TRAPPC9: variants seen among roughly 807,000 people sequenced by gnomAD.
TRAPPC9 encodes trafficking protein particle complex subunit 9, also known as IKK2 binding protein.
A neutral mutation model predicts 124.0 loss-of-function variants in TRAPPC9; 83 were observed. That is an observed-to-expected ratio of 0.67 (90% confidence interval 0.56 to 0.80). The LOEUF is 0.80. Among genes scored for constraint, TRAPPC9 ranks in the 30% least tolerant of loss-of-function variants. The pLI is 0.00. For missense variants in TRAPPC9, 1,302 were observed against 1,508.3 expected, an observed-to-expected ratio of 0.86 and a Z score of 2.27; for synonymous variants, 638 against 617.5, an observed-to-expected ratio of 1.03 and a Z score of -0.49.
intron 17 of TRAPPC9, among the ~76,000 whole-genome samples, chr8:140,124,876 T>C (rs2061055719): frequency 6.6e-6 from 1 of 152,216 alleles, no homozygotes; most frequent in African/African-American, 2.4e-5. Context: ...CTAGGAAATA[T>C]TAATACGTAG....
chr8:139,736,689 C>T (rs1317113596), intron 21 of TRAPPC9, among the ~76,000 whole-genome samples: 4 of 152,174 alleles, frequency 2.6e-5, no homozygotes, highest in East Asian at 1.9e-4. Context: ...ATGATGATGG[C>T]GGCGATGCTC....
intron 18 of TRAPPC9, among the ~76,000 whole-genome samples, chr8:140,015,655 A>AT (rs529970332): frequency 4.0e-5 from 6 of 151,714 alleles, no homozygotes; most frequent in Admixed American, 1.3e-4. Flanking sequence ...AAATAAAAAA[A>AT]AAATAAGCCA....
chr8:140,127,071 C>T (rs1412862738), intron 17 of TRAPPC9, among the ~76,000 whole-genome samples: 13 of 152,224 alleles, frequency 8.5e-5, no homozygotes, highest in Admixed American at 8.5e-4. Flanking sequence ...ACCGCTTCTT[C>T]ACTTTCAAAC....
intron 18 of TRAPPC9, among the ~76,000 whole-genome samples, chr8:140,005,145 C>T (rs543213146): frequency 7.2e-5 from 11 of 152,316 alleles, no homozygotes; most frequent in African/African-American, 2.6e-4. Flanking sequence ...GCTTCCTGAT[C>T]TCACGGAGGA....
chr8:140,374,770 A>T (rs1287513486), intron 7 of TRAPPC9, among the ~76,000 whole-genome samples: 1 of 152,106 alleles, frequency 6.6e-6, no homozygotes, highest in Non-Finnish European at 1.5e-5. Context: ...TCACCATCTA[A>T]AATAAAGGTG....
intron 19 of TRAPPC9, among the ~76,000 whole-genome samples, chr8:139,951,324 G>A (rs963431265): frequency 2.6e-5 from 4 of 152,110 alleles, no homozygotes; most frequent in Admixed American, 6.5e-5. Context: ...TTTTTCTGTC[G>A]CCTTCCTATT....
At chr8:140,080,723 G>C (rs1255863771) in intron 17 of TRAPPC9, among the ~76,000 whole-genome samples, 1 of 152,198 alleles carries the variant, frequency 6.6e-6, no homozygotes, top group African/African-American at 2.4e-5. Flanking sequence ...TCAAGCAAGA[G>C]TTTTGGTGGA....
intron 17 of TRAPPC9, among the ~76,000 whole-genome samples, chr8:140,109,051 C>A (rs1365174146): frequency 6.6e-6 from 1 of 152,130 alleles, no homozygotes; most frequent in East Asian, 1.9e-4. Context: ...TTTTCCTTTC[C>A]GATTCTGAAA....
intron 7 of TRAPPC9, among the ~76,000 whole-genome samples, chr8:140,394,385 G>A (rs927154297): frequency 5.3e-5 from 8 of 152,222 alleles, no homozygotes; most frequent in African/African-American, 1.9e-4. Context: ...TTATGGGGCA[G>A]GCATCAAGAC....
At chr8:140,355,536 C>T (rs191917612) in intron 9 of TRAPPC9, among the ~76,000 whole-genome samples, 1 of 152,316 alleles carries the variant, frequency 6.6e-6, no homozygotes, top group Admixed American at 6.5e-5. Flanking sequence ...CATATATTCT[C>T]CTCCAGTATT....
At chr8:140,191,229 G>C (rs1473024679) in intron 17 of TRAPPC9, among the ~76,000 whole-genome samples, 1 of 152,204 alleles carries the variant, frequency 6.6e-6, no homozygotes, top group African/African-American at 2.4e-5. Flanking sequence ...CACAAGAGCT[G>C]GTTGAGATCC....
In TRAPPC9 at chr8:139,971,764, CATATATAT is replaced by C. The variant is rs1193853233; in HGVS notation, c.2810+16954_2810+16961del. Among the ~76,000 whole-genome samples, 15 of 81,158 alleles carry C rather than the reference CATATATAT, an allele frequency of 1.8e-4. 1 individual carries two copies. Among genetic ancestry groups the C allele is most frequent in the East Asian group, 1.1e-3 (3 of 2,624 alleles). 53.2% of individuals were successfully genotyped at this position (81,158 alleles called of 152,430 possible). A position where few individuals can be genotyped will look rare whatever the true frequency, so the allele number is the denominator to read the frequency against. On this transcript the variant is annotated intron_variant, in intron 19 of 22. Coordinates refer to ENST00000438773, the MANE Select transcript of TRAPPC9 (RefSeq NM_001160372.4). Reference sequence around the variant, plus strand: ...ATATATATATACACACACACACACACATATATATATACACACACATATATACACATATA... The same window carrying C: ...ATATATATATACACACACACACACACATACACACACATATATACACATATA...
At chr8:140,036,582 GA>G (rs1840901544) in intron 17 of TRAPPC9, among the ~76,000 whole-genome samples, 1 of 152,188 alleles carries the variant, frequency 6.6e-6, no homozygotes, top group African/African-American at 2.4e-5. Flanking sequence ...CCATGACTCT[GA>G]TTTAGGACAC....
intron 19 of TRAPPC9, among the ~76,000 whole-genome samples, chr8:139,948,383 C>T (rs547350057): frequency 1.3e-5 from 2 of 152,198 alleles, no homozygotes; most frequent in East Asian, 1.9e-4. Context: ...ATAACGGCTT[C>T]GCCTTGAGTA....
intron 21 of TRAPPC9, among the ~76,000 whole-genome samples, chr8:139,760,845 A>G (rs554033995): frequency 4.6e-5 from 7 of 152,354 alleles, no homozygotes; most frequent in Admixed American, 1.3e-4. Context: ...ACCTTACCCC[A>G]TAAGTCAACC....
At chr8:140,385,152 T>C (rs1056049472) in intron 7 of TRAPPC9, among the ~76,000 whole-genome samples, 1 of 152,204 alleles carries the variant, frequency 6.6e-6, no homozygotes, top group African/African-American at 2.4e-5. Flanking sequence ...CCAGAATCTC[T>C]GGGACACATT....
intron 19 of TRAPPC9, among the ~76,000 whole-genome samples, chr8:139,953,608 G>T (rs560164491): frequency 6.6e-6 from 1 of 152,130 alleles, no homozygotes; most frequent in South Asian, 2.1e-4. Flanking sequence ...TCTGAGTGAC[G>T]CTTGAAAAGA....
chr8:140,088,719 A>G (rs1239252290), intron 17 of TRAPPC9, among the ~76,000 whole-genome samples: 4 of 152,388 alleles, frequency 2.6e-5, no homozygotes, highest in Admixed American at 2.6e-4. Flanking sequence ...CATCTTAAAG[A>G]GACCTGATAG....
chr8:140,276,555 T>C (rs1334148286), intron 14 of TRAPPC9, among the ~76,000 whole-genome samples: 1 of 152,210 alleles, frequency 6.6e-6, no homozygotes, highest in Non-Finnish European at 1.5e-5. Context: ...AGCCCTCACC[T>C]GACTTCTATT....
Sources: allele counts gnomAD v4.1 joint callset (sites outside exome capture counted in the v4.1 genomes callset), GRCh38; gene constraint gnomAD v4.1.1; transcripts MANE v1.5; gene names NCBI Gene and HGNC (gene_info 2026-07-23, HGNC 2026-07-21).